Variants in DNAL1 observed in about 807,000 individuals in gnomAD.
DNAL1 encodes chromosome 14 open reading frame 168.
Under a neutral mutation model 29.4 loss-of-function variants are expected in DNAL1, and 17 were observed. The ratio of observed to expected loss-of-function variants is 0.58; its 90% CI spans 0.40 to 0.87. DNAL1 has a LOEUF of 0.87. Among genes scored for constraint, DNAL1 ranks in the 40% least tolerant of loss-of-function variants. The pLI is 0.00. For missense variants in DNAL1, 188 were observed against 214.1 expected, an observed-to-expected ratio of 0.88 and a Z score of 0.76; for synonymous variants, 78 against 76.3, an observed-to-expected ratio of 1.02 and a Z score of -0.12.
chr14:73,676,405 T>G (rs1891733231), intron 5 of DNAL1, among the ~76,000 whole-genome samples: 1 of 151,788 alleles, frequency 6.6e-6, no homozygotes, highest in East Asian at 1.9e-4. Flanking sequence ...TTGTGCACTT[T>G]AAAATATTTT....
intron 1 of DNAL1, among the ~76,000 whole-genome samples, chr14:73,650,532 A>C (rs139389751): frequency 3.0e-3 from 459 of 152,362 alleles, no homozygotes; most frequent in African/African-American, 0.011. Flanking sequence ...GGTAGATAAT[A>C]GACAATTAAT....
chr14:73,650,514 G>A lies in DNAL1; in HGVS notation c.4-4333G>A, dbSNP rs543164279. On this transcript the variant is annotated intron_variant, in intron 1 of 7. Coordinates refer to ENST00000553645, the MANE Select transcript of DNAL1 (RefSeq NM_031427.4). ...CATTGATATACCTAAACACATAGAG[G>A]AATGCTTGGTAGATAATAGACAATT... is the stretch of plus-strand genomic sequence containing the variant. Among the ~76,000 whole-genome samples, 11 of 152,260 alleles carry A rather than the reference G, an allele frequency of 7.2e-5. No homozygotes were observed. The East Asian group carries it at 2.1e-3, about 29-fold the overall frequency.
intron 7 of DNAL1, 142 bp downstream of exon 7, chr14:73,689,657 T>G: frequency 7.6e-7 from 1 of 1,318,352 alleles, no homozygotes; most frequent in Non-Finnish European, 1.1e-6. Context: ...AATTGAATGG[T>G]CTAGGTTTGA....
chr14:73,700,830 A>C lies in DNAL1; in HGVS notation c.*4888A>C, dbSNP rs1260321332. 1 of 152,252 alleles carries C rather than the reference A, an allele frequency of 6.6e-6. No homozygotes were observed. The highest frequency in any genetic ancestry group is 2.4e-5 in the African/African-American group (1 of 41,474). The allele number at this position is 152,252 out of a possible 1,614,324, so 9.4% of individuals were successfully genotyped here. A position where few individuals can be genotyped will look rare whatever the true frequency, so the allele number is the denominator to read the frequency against. On this transcript the variant is annotated 3_prime_UTR_variant, in exon 8 of 8. Coordinates refer to ENST00000553645, the MANE Select transcript of DNAL1 (RefSeq NM_031427.4). ...ATCATGAAATATAAAAGCAAGATTC[A>C]GTGTAGCAGAGTTGGTGCTTCTTCT... is the stretch of plus-strand genomic sequence containing the variant.
At chr14:73,661,669 G>T (rs1042342180) in intron 3 of DNAL1, among the ~76,000 whole-genome samples, 4 of 151,864 alleles carry the variant, frequency 2.6e-5, no homozygotes, top group African/African-American at 9.7e-5. Flanking sequence ...TGCTTGAACC[G>T]GGGAGGTGGA....
At chr14:73,653,309 C>T (rs1207701922) in intron 1 of DNAL1, 1 of 152,058 alleles carries the variant, frequency 6.6e-6, no homozygotes, top group African/African-American at 2.4e-5. Context: ...TGCGTGTGAC[C>T]TTTAGTAAGC....
Position 73,658,908 on chromosome 14 carries a change from C to G in DNAL1, c.104C>G (p.Pro35Arg), listed in dbSNP as rs1409892132. ...GAGATAAAACTTTATGCCCAGATTC[C>G]CCCTATAGAGAAGATGGATGCATCC... Reference protein sequence around the residue: ...AKEIKLYAQIPPIEKMDASLS... With the variant: ...AKEIKLYAQIRPIEKMDASLS... The change falls in exon 3 of 8, where the codon CCC becomes CGC. Residue 35 changes from proline (P) to arginine (R), a missense_variant. Coordinates refer to ENST00000553645, the MANE Select transcript of DNAL1 (RefSeq NM_031427.4). 1.3e-6 allele frequency: 2 copies of G among 1,589,482 alleles called. No individual in the cohort carries two copies. Among genetic ancestry groups the G allele is most frequent in the Non-Finnish European group, 1.7e-6 (2 of 1,167,658 alleles).
Position 73,700,908 on chromosome 14 carries a change from T to G in DNAL1, c.*4966T>G, listed in dbSNP as rs1445249898. On this transcript the variant is annotated 3_prime_UTR_variant, in exon 8 of 8. Coordinates refer to ENST00000553645, the MANE Select transcript of DNAL1 (RefSeq NM_031427.4). ...ATCTGTGCTCTAACATGTGTCATAT[T>G]GTTTTCTTTTTGTAAACCATAAAAT... 6.6e-6 allele frequency: 1 copy of G among 152,252 alleles called. No homozygotes were observed. The highest frequency in any genetic ancestry group is 2.4e-5 in the African/African-American group (1 of 41,474). The allele number at this position is 152,252 out of a possible 1,614,324, so 9.4% of individuals were successfully genotyped here.
At chr14:73,664,752 T>A (rs1327185758) in intron 4 of DNAL1, among the ~76,000 whole-genome samples, 1 of 151,966 alleles carries the variant, frequency 6.6e-6, no homozygotes, top group Non-Finnish European at 1.5e-5. Context: ...TTGCCTGTAG[T>A]CCCAGCTACT....
chr14:73,681,367 T>G (rs1244164583), intron 5 of DNAL1, among the ~76,000 whole-genome samples: 1 of 151,370 alleles, frequency 6.6e-6, no homozygotes, highest in African/African-American at 2.4e-5. Flanking sequence ...ACTCCTGACC[T>G]CAGGTAATCC....
chr14:73,675,267 G>T (rs2140045962), intron 5 of DNAL1, among the ~76,000 whole-genome samples: 1 of 149,858 alleles, frequency 6.7e-6, no homozygotes, highest in South Asian at 2.1e-4. Flanking sequence ...ATTTTTGTTT[G>T]CTTAGAGACA....
rs1033728177 is a variant in DNAL1, at chr14:73,689,275, G to A, written c.392-100G>A. The A allele has an allele frequency of 1.2e-5, 16 of 1,383,308 alleles. No homozygotes were observed. In the Admixed American group the frequency reaches 1.9e-4, roughly 16 times the overall value. The allele number at this position is 1,383,308 out of a possible 1,614,324, so 85.7% of individuals were successfully genotyped here. On this transcript the variant is annotated intron_variant, in intron 6 of 7. Transcript: ENST00000553645. Reference sequence around the variant, plus strand: ...TCTCGATCTCCTGATGTCGTGATCCGCCCGCCTTGTCCCCCCAAAGTTCTG... The same window carrying A: ...TCTCGATCTCCTGATGTCGTGATCCACCCGCCTTGTCCCCCCAAAGTTCTG...
intron 7 of DNAL1, among the ~76,000 whole-genome samples, chr14:73,691,869 T>C (rs965950042): frequency 1.7e-4 from 25 of 143,620 alleles, no homozygotes; most frequent in Admixed American, 1.6e-3. Flanking sequence ...AGCTAATTTT[T>C]GTATTTTTAG....
intron 5 of DNAL1, among the ~76,000 whole-genome samples, chr14:73,686,760 T>C (rs1328059598): frequency 2.0e-5 from 3 of 152,212 alleles, no homozygotes; most frequent in African/African-American, 7.2e-5. Context: ...ATAATAAATG[T>C]TGGAGAAGAC....
At position 73,699,388 on chromosome 14, in the gene DNAL1, C is replaced by T. The variant is rs2140070624; in HGVS notation, c.*3446C>T. ...TGGCGCAATCTCAGCTCACTGCAAC[C>T]TCCGTCTCCCGGGTTCAAGCAATTC... On this transcript the variant is annotated 3_prime_UTR_variant, in exon 8 of 8. Coordinates refer to ENST00000553645, the MANE Select transcript of DNAL1 (RefSeq NM_031427.4). The T allele has an allele frequency of 6.6e-6, 1 of 152,076 alleles. No individual in the cohort carries two copies. Among genetic ancestry groups the T allele is most frequent in the South Asian group, 2.1e-4 (1 of 4,814 alleles). 9.4% of individuals were successfully genotyped at this position (152,076 alleles called of 1,614,324 possible).
chr14:73,697,761 A>AG lies in DNAL1; in HGVS notation c.*1819_*1820insG, dbSNP rs1892336858. ...CCATATTTAAAAAAAAAAAAAAAAA[A>AG]AAAAGAGGAAAACTTGGTCTAACAC... On this transcript the variant is annotated 3_prime_UTR_variant, in exon 8 of 8. Coordinates refer to ENST00000553645, the MANE Select transcript of DNAL1 (RefSeq NM_031427.4). 6.6e-6 allele frequency: 1 copy of AG among 151,572 alleles called. No individual in the cohort carries two copies. The highest frequency in any genetic ancestry group is 1.5e-5 in the Non-Finnish European group (1 of 67,910). The allele number at this position is 151,572 out of a possible 1,614,324, so 9.4% of individuals were successfully genotyped here. A position where few individuals can be genotyped will look rare whatever the true frequency, so the allele number is the denominator to read the frequency against.
intron 4 of DNAL1, 44 bp downstream of exon 4, chr14:73,662,086 A>G: frequency 2.0e-6 from 3 of 1,474,608 alleles, no homozygotes; most frequent in South Asian, 1.2e-5. Flanking sequence ...TTTCCTAGTT[A>G]TTTTAATAAA....
intron 2 of DNAL1, among the ~76,000 whole-genome samples, chr14:73,656,434 CTTTTT>C (rs558976461): frequency 7.5e-6 from 1 of 132,656 alleles, no homozygotes. Context: ...ACATTTTTGA[CTTTTT>C]TTTTTTTTTT....
At chr14:73,663,913 TC>T (rs1195788345) in intron 4 of DNAL1, among the ~76,000 whole-genome samples, 1 of 152,168 alleles carries the variant, frequency 6.6e-6, no homozygotes, top group Non-Finnish European at 1.5e-5. Flanking sequence ...TCTGCACAAC[TC>T]CCCCTTATCT....
Sources: allele counts gnomAD v4.1 joint callset (sites outside exome capture counted in the v4.1 genomes callset), GRCh38; gene constraint gnomAD v4.1.1; transcripts MANE v1.5; gene names NCBI Gene and HGNC (gene_info 2026-07-23, HGNC 2026-07-21).